DPYD: variants seen among roughly 807,000 people sequenced by gnomAD.
DPYD encodes dihydropyrimidine dehydrogenase.
A neutral mutation model predicts 116.2 loss-of-function variants in DPYD; 109 were observed. The observed-to-expected ratio is 0.94, with a 90% CI of 0.80 to 1.10. The LOEUF (loss-of-function observed/expected upper bound fraction) is 1.10, where lower values mean the gene tolerates loss of function less well. Ranked by LOEUF, DPYD falls within the 50% of genes least tolerant of loss-of-function variation. DPYD has a pLI of 0.00. For synonymous variants in DPYD, 440 were observed against 432.0 expected (o/e 1.02, Z -0.23); for missense variants, 1,302 against 1,254.5 (o/e 1.04, Z -0.57).
intron 1 of DPYD, among the ~76,000 whole-genome samples, chr1:97,906,321 A>G (rs886786552): frequency 1.3e-5 from 2 of 152,074 alleles, no homozygotes; most frequent in African/African-American, 4.8e-5. Flanking sequence ...AATTTATAAC[A>G]TGCTTATTTT....
At chr1:97,867,743 A>G (rs1671457749) in intron 2 of DPYD, among the ~76,000 whole-genome samples, 1 of 151,910 alleles carries the variant, frequency 6.6e-6, no homozygotes, top group Non-Finnish European at 1.5e-5. Context: ...AAAGCCATGT[A>G]TCACAAGCTC....
chr1:97,664,642 T>C (rs1212157687), intron 8 of DPYD, among the ~76,000 whole-genome samples: 1 of 152,114 alleles, frequency 6.6e-6, no homozygotes, highest in African/African-American at 2.4e-5. Context: ...GAGGTCTTAG[T>C]AGTCCAAAAC....
intron 10 of DPYD, among the ~76,000 whole-genome samples, chr1:97,590,907 A>G (rs7537165): frequency 0.77 from 116,807 of 152,118 alleles, 46,346 homozygotes; most frequent in East Asian, 0.96. Context: ...AGAGCTTGGC[A>G]CTTCTCTGTT....
intron 13 of DPYD, among the ~76,000 whole-genome samples, chr1:97,510,086 C>A (rs746707762): frequency 6.6e-6 from 1 of 151,552 alleles, no homozygotes; most frequent in Non-Finnish European, 1.5e-5. Context: ...CCATCATTAG[C>A]CATTTACAAA....
chr1:97,857,809 C>T (rs945185852), intron 2 of DPYD, among the ~76,000 whole-genome samples: 1 of 152,018 alleles, frequency 6.6e-6, no homozygotes, highest in Admixed American at 6.6e-5. Context: ...GTTCTGGAGA[C>T]CCGACTTGAT....
At chr1:97,489,786 A>T (rs1273601027) in intron 13 of DPYD, among the ~76,000 whole-genome samples, 1 of 152,222 alleles carries the variant, frequency 6.6e-6, no homozygotes, top group Non-Finnish European at 1.5e-5. Context: ...ATAAGAAAAC[A>T]AACTTAGCAT....
intron 4 of DPYD, among the ~76,000 whole-genome samples, chr1:97,730,890 A>C (rs1663563899): frequency 6.6e-6 from 1 of 152,122 alleles, no homozygotes; most frequent in Non-Finnish European, 1.5e-5. Context: ...GTTGAAAAAA[A>C]AAGCATTGGG....
At chr1:97,125,395 A>C (rs1300405007) in intron 20 of DPYD, among the ~76,000 whole-genome samples, 3 of 152,154 alleles carry the variant, frequency 2.0e-5, no homozygotes, top group African/African-American at 7.2e-5. Flanking sequence ...CTCATATCCA[A>C]CATCTCATTT....
chr1:97,206,648 A>ATG lies in DPYD; in HGVS notation c.2443-13401_2443-13400insCA, dbSNP rs1659629382. Among the ~76,000 whole-genome samples the ATG allele has an allele frequency of 2.2e-4, 10 of 45,568 alleles. No individual in the cohort carries two copies. The African/African-American group carries it at 2.3e-3, about 11-fold the overall frequency. 29.9% of individuals were successfully genotyped at this position (45,568 alleles called of 152,430 possible). On this transcript the variant is annotated intron_variant, in intron 19 of 22. Transcript: ENST00000370192. ...GAAAACAGGGAGATTTTATATATAT[A>ATG]TATATATATATATATATATATATAT... is the stretch of plus-strand genomic sequence containing the variant.
intron 8 of DPYD, among the ~76,000 whole-genome samples, chr1:97,604,315 A>T (rs560014616): frequency 6.6e-6 from 1 of 152,216 alleles, no homozygotes; most frequent in Admixed American, 6.6e-5. Flanking sequence ...GCATCTCCTT[A>T]TAGAACTGTT....
chr1:97,698,796 T>C (rs1273759264), intron 6 of DPYD, among the ~76,000 whole-genome samples: 2 of 151,960 alleles, frequency 1.3e-5, no homozygotes, highest in Admixed American at 6.6e-5. Context: ...ATTTTCAATA[T>C]ATATTCCCAT....
At chr1:97,700,927 AAC>A (rs1661564468) in intron 5 of DPYD, among the ~76,000 whole-genome samples, 1 of 151,512 alleles carries the variant, frequency 6.6e-6, no homozygotes, top group Admixed American at 6.6e-5. Flanking sequence ...GGATTTTAAA[AAC>A]ACATTATTAA....
chr1:97,162,481 G>A (rs1330341733), intron 20 of DPYD, among the ~76,000 whole-genome samples: 1 of 152,050 alleles, frequency 6.6e-6, no homozygotes, highest in Admixed American at 6.6e-5. Context: ...AAATAAAAGA[G>A]GATACAAAGA....
chr1:97,879,870 C>T (rs955006068), intron 2 of DPYD, among the ~76,000 whole-genome samples: 1 of 151,600 alleles, frequency 6.6e-6, no homozygotes, highest in Admixed American at 6.6e-5. Flanking sequence ...TAAGATGCTT[C>T]GAGCACCAAA....
At chr1:97,173,487 T>C (rs1657018170) in intron 20 of DPYD, among the ~76,000 whole-genome samples, 1 of 150,774 alleles carries the variant, frequency 6.6e-6, no homozygotes, top group Admixed American at 6.6e-5. Flanking sequence ...TGTATATATA[T>C]ACACGCATAT....
Position 97,593,718 on chromosome 1 carries a change from G to A in DPYD, c.959-331C>T, listed in dbSNP as rs567655497. Among the ~76,000 whole-genome samples the A allele has an allele frequency of 7.9e-5, 12 of 152,114 alleles. No individual in the cohort carries two copies. The South Asian group carries it at 2.3e-3, about 29-fold the overall frequency. On this transcript the variant is annotated intron_variant, in intron 9 of 22. Transcript: ENST00000370192. ...AATTGTGCTATCTATCTTTAACTCA[G>A]CATAATTTTCCTTTTGCTAGAAGAA...
At chr1:97,856,639 G>A (rs1670859726) in intron 2 of DPYD, 1 of 152,118 alleles carries the variant, frequency 6.6e-6, no homozygotes, top group Non-Finnish European at 1.5e-5. Flanking sequence ...GGACCACCAG[G>A]GCACACTCTG....
intron 16 of DPYD, among the ~76,000 whole-genome samples, chr1:97,323,176 T>A (rs1272043176): frequency 2.0e-5 from 3 of 149,382 alleles, no homozygotes; most frequent in Non-Finnish European, 4.5e-5. Flanking sequence ...TATGTATATA[T>A]ACATATCATA....
rs1653093186 is a variant in DPYD, at chr1:97,573,965, T to C, written c.1134A>G (p.Glu378=). 1 of 1,613,302 alleles carries C rather than the reference T, an allele frequency of 6.2e-7. No homozygotes were observed. The highest frequency in any genetic ancestry group is 1.3e-5 in the African/African-American group (1 of 74,892). Residue 378 remains glutamate, a synonymous_variant, in exon 11 of 23, where the codon GAA becomes GAG. Transcript: ENST00000370192. ...ATTCACACTTTTCTTCCTTAGCAAG[T>C]TCCATCTAAAACAAAACAGAACAGA... ...VNIRAVPEEM[E]LAKEEKCEFL... is the part of the protein sequence containing the mutation.
Sources: gnomAD v4.1 joint callset for allele counts (sites outside exome capture counted in the v4.1 genomes callset) on GRCh38, gnomAD v4.1.1 for gene constraint, MANE v1.5 for transcripts, NCBI Gene and HGNC (gene_info 2026-07-23, HGNC 2026-07-21) for gene names.